Variants in CSMD2 observed in about 807,000 individuals in gnomAD.
CSMD2 encodes CUB and sushi domain-containing protein 2.
Under a neutral mutation model 398.5 loss-of-function variants are expected in CSMD2, and 130 were observed. The ratio of observed to expected loss-of-function variants is 0.33; its 90% CI spans 0.28 to 0.38. The LOEUF is 0.38. Ranked by LOEUF, CSMD2 falls within the 10% of genes least tolerant of loss-of-function variation. The pLI is 1.00. For synonymous variants in CSMD2, 1,828 were observed against 1,908.5 expected (o/e 0.96, Z 1.10); for missense variants, 3,829 against 4,764.9 (o/e 0.80, Z 5.78).
intron 2 of CSMD2, among the ~76,000 whole-genome samples, chr1:34,084,737 C>T (rs2148350547): frequency 6.6e-6 from 1 of 151,994 alleles, no homozygotes; most frequent in South Asian, 2.1e-4. Context: ...ACAACAGGTG[C>T]TGGAGAGGAT....
At chr1:33,865,703 G>A (rs1639982776) in intron 5 of CSMD2, among the ~76,000 whole-genome samples, 2 of 152,086 alleles carry the variant, frequency 1.3e-5, no homozygotes, top group South Asian at 4.1e-4. Flanking sequence ...CAAGAAGGAG[G>A]CCGAGATGCT....
chr1:34,055,043 T>C lies in CSMD2; in HGVS notation c.405-22337A>G, dbSNP rs149687671. Among the ~76,000 whole-genome samples the C allele has an allele frequency of 6.2e-3, 945 of 152,266 alleles. 7 individuals are homozygous for C. Among genetic ancestry groups the C allele is most frequent in the African/African-American group, 0.019 (788 of 41,546 alleles). ...CACAGGAAATAAAACACTGTAAACA[T>C]AGTTGGAGCCCCTGGGTAGCTCTGC... is the stretch of plus-strand genomic sequence containing the variant. On this transcript the variant is annotated intron_variant, in intron 2 of 70. Transcript: ENST00000373381.
At chr1:34,074,575 T>C (rs1213592807) in intron 2 of CSMD2, among the ~76,000 whole-genome samples, 1 of 152,220 alleles carries the variant, frequency 6.6e-6, no homozygotes, top group Non-Finnish European at 1.5e-5. Flanking sequence ...AGAGCATTGA[T>C]TCATTCACTC....
At chr1:33,961,057 A>G (rs747512635) in intron 3 of CSMD2, among the ~76,000 whole-genome samples, 1 of 152,228 alleles carries the variant, frequency 6.6e-6, no homozygotes, top group African/African-American at 2.4e-5. Context: ...CAGGCCATCA[A>G]TGCGCTACAG....
intron 2 of CSMD2, among the ~76,000 whole-genome samples, chr1:34,081,941 G>A (rs536777905): frequency 2.0e-5 from 3 of 151,316 alleles, no homozygotes; most frequent in South Asian, 2.1e-4. Flanking sequence ...CCGCCACCCC[G>A]TCTAGGAAGT....
At chr1:33,833,187 A>G (rs1659812448) in intron 6 of CSMD2, among the ~76,000 whole-genome samples, 1 of 124,262 alleles carries the variant, frequency 8.0e-6, no homozygotes. Flanking sequence ...AGCCGGGCAG[A>G]GACACAATCA....
intron 1 of CSMD2, among the ~76,000 whole-genome samples, chr1:34,143,058 C>G (rs1639450988): frequency 6.6e-6 from 1 of 152,184 alleles, no homozygotes; most frequent in African/African-American, 2.4e-5. Flanking sequence ...GATCTTTGGG[C>G]AAGTCATCTT....
intron 3 of CSMD2, among the ~76,000 whole-genome samples, chr1:34,031,845 A>T (rs998814909): frequency 1.3e-5 from 2 of 149,584 alleles, no homozygotes; most frequent in Non-Finnish European, 3.0e-5. Flanking sequence ...GTTATTAATT[A>T]TCATTAACAG....
At chr1:34,128,039 T>C (rs1053763601) in intron 1 of CSMD2, among the ~76,000 whole-genome samples, 4 of 152,130 alleles carry the variant, frequency 2.6e-5, no homozygotes, top group Non-Finnish European at 5.9e-5. Context: ...ATTTCTTCCT[T>C]GTGGGAAGTG....
At chr1:34,005,996 A>G (rs1647042802) in intron 3 of CSMD2, among the ~76,000 whole-genome samples, 1 of 152,208 alleles carries the variant, frequency 6.6e-6, no homozygotes, top group South Asian at 2.1e-4. Context: ...CCCTCTTCTC[A>G]GTGAATCTAG....
chr1:33,745,170 G>A (rs1347878862), intron 13 of CSMD2, among the ~76,000 whole-genome samples: 1 of 152,090 alleles, frequency 6.6e-6, no homozygotes. Flanking sequence ...TTTAAATAAA[G>A]CAGTAGATCA....
At chr1:33,531,433 T>C (rs1655222547) in intron 64 of CSMD2, among the ~76,000 whole-genome samples, 1 of 152,184 alleles carries the variant, frequency 6.6e-6, no homozygotes, top group Non-Finnish European at 1.5e-5. Flanking sequence ...TGGCAATTCC[T>C]CAAAATATTA....
chr1:33,794,016 C>T (rs1266774840), intron 10 of CSMD2, among the ~76,000 whole-genome samples: 1 of 152,204 alleles, frequency 6.6e-6, no homozygotes. Flanking sequence ...ACTGAAGTTG[C>T]TCCTTTGCTT....
chr1:33,798,275 C>T (rs903876601), intron 10 of CSMD2, among the ~76,000 whole-genome samples: 1 of 152,298 alleles, frequency 6.6e-6, no homozygotes, highest in South Asian at 2.1e-4. Flanking sequence ...AATTTAAACC[C>T]ATTAGATAAA....
At chr1:33,738,773 C>T (rs1646962228) in intron 15 of CSMD2, among the ~76,000 whole-genome samples, 2 of 152,100 alleles carry the variant, frequency 1.3e-5, no homozygotes, top group African/African-American at 4.8e-5. Context: ...TTGAAAGACC[C>T]GAAAACTCGC....
chr1:34,164,816 G>A lies in CSMD2; in HGVS notation c.187+95C>T, dbSNP rs1641719867. The A allele has an allele frequency of 1.9e-6, 2 of 1,050,452 alleles. No individual in the cohort carries two copies. The highest frequency in any genetic ancestry group is 2.4e-6 in the Non-Finnish European group (2 of 834,144). The allele number at this position is 1,050,452 out of a possible 1,614,324, so 65.1% of individuals were successfully genotyped here. A position where few individuals can be genotyped will look rare whatever the true frequency, so the allele number is the denominator to read the frequency against. On this transcript the variant is annotated intron_variant, in intron 1 of 70. Transcript: ENST00000373381. The surrounding 1 kb of genome is among the most constrained non-coding windows in gnomAD (Gnocchi z 6.2). ...GGGAGATTCAGGCAGGGATAGAGGC[G>A]GGGGGAGGGACTGGGACCGGGTCGA...
At chr1:33,521,615 C>A (rs1000837724) in intron 67 of CSMD2, 65 bp from the exon 68 acceptor site, 2 of 1,013,256 alleles carry the variant, frequency 2.0e-6, no homozygotes, top group Non-Finnish European at 3.2e-6. Context: ...ACTCCTCTCT[C>A]ATCATACACG....
intron 13 of CSMD2, among the ~76,000 whole-genome samples, chr1:33,747,380 G>A (rs1452925361): frequency 1.3e-5 from 2 of 152,214 alleles, no homozygotes; most frequent in African/African-American, 2.4e-5. Flanking sequence ...GGAGCAAGGA[G>A]ATATGCTAAT....
intron 13 of CSMD2, among the ~76,000 whole-genome samples, chr1:33,768,520 C>A (rs1029800944): frequency 6.8e-6 from 1 of 147,956 alleles, no homozygotes; most frequent in Non-Finnish European, 1.5e-5. Flanking sequence ...CAATTCATCC[C>A]GGAATGTGTG....
Sources: gnomAD v4.1 joint callset for allele counts (sites outside exome capture counted in the v4.1 genomes callset) on GRCh38, gnomAD v4.1.1 for gene constraint, Gnocchi (gnomAD v3.1) non-coding constraint, MANE v1.5 for transcripts, NCBI Gene and HGNC (gene_info 2026-07-23, HGNC 2026-07-21) for gene names.